ZNF521: variants seen among roughly 807,000 people sequenced by gnomAD.
ZNF521 encodes zinc finger protein 521.
Under a neutral mutation model 105.5 loss-of-function variants are expected in ZNF521, and 14 were observed. The observed-to-expected ratio is 0.13, with a 90% CI of 0.09 to 0.21. The LOEUF (loss-of-function observed/expected upper bound fraction) is 0.21, where lower values mean the gene tolerates loss of function less well. Ranked by LOEUF, ZNF521 falls within the 10% of genes least tolerant of loss-of-function variation. ZNF521 has a pLI of 1.00. For missense variants in ZNF521, 1,233 were observed against 1,629.7 expected, an observed-to-expected ratio of 0.76 and a Z score of 4.19; for synonymous variants, 635 against 606.0, an observed-to-expected ratio of 1.05 and a Z score of -0.70.
At chr18:25,142,893 C>A (rs943786789) in intron 5 of ZNF521, among the ~76,000 whole-genome samples, 4 of 152,000 alleles carry the variant, frequency 2.6e-5, no homozygotes, top group Admixed American at 6.6e-5. Context: ...TCCTTTGGTT[C>A]GGGTTTTAAA....
At chr18:25,293,777 C>A (rs910446474) in intron 3 of ZNF521, among the ~76,000 whole-genome samples, 3 of 152,128 alleles carry the variant, frequency 2.0e-5, no homozygotes, top group African/African-American at 7.2e-5. Flanking sequence ...TGCATACAAT[C>A]CAACCTTCAA....
At chr18:25,316,423 T>C (rs1398951700) in intron 3 of ZNF521, among the ~76,000 whole-genome samples, 2 of 107,496 alleles carry the variant, frequency 1.9e-5, no homozygotes, top group South Asian at 7.5e-4. Flanking sequence ...CAGCACTTTG[T>C]CAGCCAGGGG....
chr18:25,157,436 C>A (rs1419781068), intron 5 of ZNF521, among the ~76,000 whole-genome samples: 2 of 152,138 alleles, frequency 1.3e-5, no homozygotes, highest in East Asian at 1.9e-4. Flanking sequence ...AAATGAAGAG[C>A]ATTAAGAGTG....
chr18:25,278,057 T>C (rs1910145864), intron 3 of ZNF521, among the ~76,000 whole-genome samples: 1 of 152,164 alleles, frequency 6.6e-6, no homozygotes, highest in Admixed American at 6.5e-5. Flanking sequence ...CCTCCATCAT[T>C]TGGAAAATGA....
At chr18:25,271,874 C>A (rs1345546568) in intron 3 of ZNF521, among the ~76,000 whole-genome samples, 1 of 152,148 alleles carries the variant, frequency 6.6e-6, no homozygotes, top group Non-Finnish European at 1.5e-5. Context: ...ATGACTAAAA[C>A]ACCAAAAGCA....
At chr18:25,339,235 A>T (rs191851194) in intron 2 of ZNF521, among the ~76,000 whole-genome samples, 112 of 152,368 alleles carry the variant, frequency 7.4e-4, no homozygotes, top group African/African-American at 2.5e-3. Context: ...TGTTAGTTCC[A>T]TGAAACCCAT....
At chr18:25,185,689 T>C (rs565157862) in intron 5 of ZNF521, among the ~76,000 whole-genome samples, 1 of 152,192 alleles carries the variant, frequency 6.6e-6, no homozygotes, top group Non-Finnish European at 1.5e-5. Flanking sequence ...ACAGGCACGG[T>C]TGTGGGAGCT....
chr18:25,197,274 G>C (rs200217944), intron 4 of ZNF521, among the ~76,000 whole-genome samples: 1 of 151,734 alleles, frequency 6.6e-6, no homozygotes, highest in East Asian at 1.9e-4. Context: ...GTTACGGCTA[G>C]ATAAGAATTT....
At chr18:25,238,518 C>T (rs1336633234) in intron 3 of ZNF521, among the ~76,000 whole-genome samples, 3 of 152,138 alleles carry the variant, frequency 2.0e-5, no homozygotes, top group East Asian at 1.9e-4. Context: ...GTGGTATGGT[C>T]GGATCAGGTA....
intron 5 of ZNF521, among the ~76,000 whole-genome samples, chr18:25,175,540 C>T (rs2035522678): frequency 6.6e-6 from 1 of 152,182 alleles, no homozygotes; most frequent in Admixed American, 6.5e-5. Context: ...TCATGTCACT[C>T]CTTCCCCTTA....
At chr18:25,212,374 G>A (rs1355904584) in intron 4 of ZNF521, among the ~76,000 whole-genome samples, 3 of 150,406 alleles carry the variant, frequency 2.0e-5, no homozygotes, top group Non-Finnish European at 4.4e-5. Flanking sequence ...GCTGGGCATG[G>A]TGGCGCACAC....
chr18:25,126,308 G>C (rs1281464049), intron 5 of ZNF521, among the ~76,000 whole-genome samples: 2 of 151,938 alleles, frequency 1.3e-5, no homozygotes, highest in Admixed American at 6.6e-5. Context: ...ATGAAGTCAG[G>C]CTATTGATAT....
chr18:25,346,316 T>C (rs1914462822), intron 2 of ZNF521, among the ~76,000 whole-genome samples: 3 of 152,068 alleles, frequency 2.0e-5, no homozygotes, highest in Admixed American at 2.0e-4. Flanking sequence ...TGTCTACCCG[T>C]AAGTATATAT....
intron 3 of ZNF521, among the ~76,000 whole-genome samples, chr18:25,254,027 G>A (rs1312676381): frequency 6.6e-6 from 1 of 152,138 alleles, no homozygotes; most frequent in Non-Finnish European, 1.5e-5. Context: ...CAATTTTACA[G>A]CGGGAAGCAG....
chr18:25,201,637 CCTCT>C (rs1420297264), intron 4 of ZNF521: 1 of 152,164 alleles, frequency 6.6e-6, no homozygotes, highest in Non-Finnish European at 1.5e-5. Context: ...CTCTCAGCTC[CCTCT>C]ATTTCAAGGC....
intron 7 of ZNF521, among the ~76,000 whole-genome samples, chr18:25,080,751 T>A (rs930760803): frequency 1.3e-5 from 2 of 152,188 alleles, no homozygotes; most frequent in African/African-American, 4.8e-5. Context: ...GATATGGAAG[T>A]GGTGTTTTCC....
At chr18:25,223,936 T>A (rs1240761787) in intron 4 of ZNF521, 1 of 233,812 alleles carries the variant, frequency 4.3e-6, no homozygotes, top group Non-Finnish European at 8.4e-6. Flanking sequence ...TATATTCTTT[T>A]TAATTTACTC....
intron 5 of ZNF521, among the ~76,000 whole-genome samples, chr18:25,169,103 C>T (rs1472944093): frequency 6.6e-6 from 1 of 152,098 alleles, no homozygotes; most frequent in East Asian, 1.9e-4. Flanking sequence ...TGCTTTCCTT[C>T]TTGAGGTGGT....
At chr18:25,190,374 C>T (rs948597094) in intron 5 of ZNF521, among the ~76,000 whole-genome samples, 2 of 152,072 alleles carry the variant, frequency 1.3e-5, no homozygotes, top group African/African-American at 4.8e-5. Flanking sequence ...ATATGTATAG[C>T]CACACATATA....
Sources: gnomAD v4.1 joint callset for allele counts (sites outside exome capture counted in the v4.1 genomes callset) on GRCh38, gnomAD v4.1.1 for gene constraint, MANE v1.5 for transcripts, NCBI Gene and HGNC (gene_info 2026-07-23, HGNC 2026-07-21) for gene names.